The following ANK1 variants were observed in gnomAD, a reference collection of about 807,000 sequenced individuals.
ANK1 encodes the protein ankyrin 1, also known as ankyrin-1.
A neutral mutation model predicts 210.4 loss-of-function variants in ANK1; 51 were observed. The observed-to-expected ratio is 0.24, with a 90% CI of 0.19 to 0.31. ANK1 has a LOEUF of 0.31. Among genes scored for constraint, ANK1 ranks in the 10% least tolerant of loss-of-function variants. ANK1 has a pLI of 1.00. For synonymous variants in ANK1, 967 were observed against 1,025.9 expected, an observed-to-expected ratio of 0.94 and a Z score of 1.10; for missense variants, 2,051 against 2,504.4, an observed-to-expected ratio of 0.82 and a Z score of 3.86.
At chr8:41,737,361 T>G (rs1330217009) in intron 2 of ANK1, among the ~76,000 whole-genome samples, 2 of 152,210 alleles carry the variant, frequency 1.3e-5, no homozygotes, top group Non-Finnish European at 2.9e-5. Flanking sequence ...GATGAAAGCA[T>G]ATCTTCCCTT....
At position 41,692,820 on chromosome 8, in the gene ANK1, A is replaced by G. The variant is rs1819645214; in HGVS notation, c.3686T>C (p.Leu1229Pro). The G allele has an allele frequency of 6.2e-7, 1 of 1,614,038 alleles. No homozygotes were observed. Among genetic ancestry groups the G allele is most frequent in the African/African-American group, 1.3e-5 (1 of 74,932 alleles). ...GGGCACTGCAGTGAGCTCTTTGTAC[A>G]GCAGGGTGGCAAAGTTCACAGCCTC... The part of the protein sequence containing the change: ...TAEAVNFATL[L>P]YKELTAVPYM... Residue 1229 changes from leucine (L) to proline (P), a missense_variant, in exon 31 of 43, where the codon CTG (leucine) becomes CCG (proline). This residue lies in a region of ANK1 where 1,413 missense variants were observed against 1,707.4 expected (regional missense o/e 0.83). Coordinates refer to ENST00000289734, the MANE Select transcript of ANK1 (RefSeq NM_000037.4).
intron 2 of ANK1, among the ~76,000 whole-genome samples, chr8:41,753,755 G>A (rs755022962): frequency 3.6e-5 from 5 of 139,360 alleles, no homozygotes; most frequent in East Asian, 5.7e-4. Context: ...TGTCTCTGTC[G>A]CTGAGTGTTG....
chr8:41,754,288 C>T lies in ANK1; in HGVS notation c.129+3748G>A, dbSNP rs140725413. On this transcript the variant is annotated intron_variant, in intron 2 of 42. Coordinates refer to ENST00000289734, the MANE Select transcript of ANK1 (RefSeq NM_000037.4). Reference sequence around the variant, plus strand: ...AAATTGGCATTCACATAAGGGGGTTCCTGTATGCACACATGTGTGTGTTCT... The same window carrying T: ...AAATTGGCATTCACATAAGGGGGTTTCTGTATGCACACATGTGTGTGTTCT... Among the ~76,000 whole-genome samples the T allele has an allele frequency of 3.1e-3, 479 of 152,294 alleles. 3 individuals carry two copies. The highest frequency in any genetic ancestry group is 0.01 in the Middle Eastern group (3 of 294).
At chr8:41,820,413 C>T (rs377089898) in intron 1 of ANK1, among the ~76,000 whole-genome samples, 1 of 149,558 alleles carries the variant, frequency 6.7e-6, no homozygotes, top group Non-Finnish European at 1.5e-5. Context: ...TTAGGCTGGT[C>T]GCAAACACCT....
chr8:41,688,173 A>G lies in ANK1; in HGVS notation c.4241T>C (p.Leu1414Pro). 1 of 1,614,200 alleles carries G rather than the reference A, an allele frequency of 6.2e-7. No homozygotes were observed. The change falls in exon 35 of 43, where the codon CTC (leucine) becomes CCC (proline). Residue 1414 changes from leucine to proline, a missense_variant. Coordinates refer to ENST00000289734, the MANE Select transcript of ANK1 (RefSeq NM_000037.4). ...EMKMAVISEH[L>P]GLSWAELARE... The stretch of plus-strand genomic sequence containing the variant: ...CCACTCACCTGCCCAGCTGAGACCG[A>G]GGTGCTCTGAGATAACAGCCATCTT...
At chr8:41,889,775 G>T (rs1819077926) in intron 1 of ANK1, among the ~76,000 whole-genome samples, 1 of 152,224 alleles carries the variant, frequency 6.6e-6, no homozygotes, top group Non-Finnish European at 1.5e-5. Flanking sequence ...TCTCAGCAAA[G>T]TTAGGAAGCC....
Position 41,694,209 on chromosome 8 carries a change from C to T in ANK1, c.3328-107G>A, listed in dbSNP as rs565178459. ...GAGTGGCCGTCAGTGCACGGGGTCC[C>T]GCCCTGCTGTTGGACCACAGAACCG... On this transcript the variant is annotated intron_variant, in intron 28 of 42. Transcript: ENST00000289734. This position sits in a 1 kb window ranked among gnomAD's most constrained non-coding sequence, Gnocchi z 5.7. 472 of 1,226,540 alleles carry T rather than the reference C, an allele frequency of 3.8e-4. 1 individual carries two copies. Among genetic ancestry groups the T allele is most frequent in the Middle Eastern group, 2.5e-3 (11 of 4,428 alleles). 76.0% of individuals were successfully genotyped at this position (1,226,540 alleles called of 1,614,324 possible). A position where few individuals can be genotyped will look rare whatever the true frequency, so the allele number is the denominator to read the frequency against.
chr8:41,791,920 G>GA lies in ANK1; in HGVS notation c.27+5591_27+5592insT, dbSNP rs397801473. Among the ~76,000 whole-genome samples the GA allele has an allele frequency of 6.7e-3, 1,013 of 151,938 alleles. 10 individuals are homozygous for GA. Among genetic ancestry groups the GA allele is most frequent in the African/African-American group, 0.022 (908 of 41,408 alleles). On this transcript the variant is annotated intron_variant, in intron 1 of 42. Transcript: ENST00000289734. ...GTTCCTATAGGAGAGAAGGGCTGGG[G>GA]TCAGAAGGTTGTTTGCTTGCTTTGT...
rs966787347 is a variant in ANK1, at chr8:41,672,558, G to A, written c.4892C>T (p.Thr1631Ile). 1 of 1,614,214 alleles carries A rather than the reference G, an allele frequency of 6.2e-7. No homozygotes were observed. Among genetic ancestry groups the A allele is most frequent in the Non-Finnish European group, 8.5e-7 (1 of 1,180,052 alleles). The change falls in exon 38 of 43, where the codon ACA (threonine) becomes ATA (isoleucine). Residue 1631 changes from threonine (T) to isoleucine (I), a missense_variant. This residue lies in a region of ANK1 where 496 missense variants were observed against 533.4 expected (regional missense o/e 0.93). Coordinates refer to ENST00000289734, the MANE Select transcript of ANK1 (RefSeq NM_000037.4). ...TTCAAGCAAATCGATAAGGCCATTTGTGGCATCTGAATCCACTGTGTCGTC... is the reference window on the plus strand; with the variant it reads ...TTCAAGCAAATCGATAAGGCCATTTATGGCATCTGAATCCACTGTGTCGTC... Reference protein sequence around the residue: ...VEDDTVDSDATNGLIDLLEQE... With the variant: ...VEDDTVDSDAINGLIDLLEQE...
chr8:41,866,523 G>A (rs1388840264), intron 1 of ANK1, among the ~76,000 whole-genome samples: 3 of 152,162 alleles, frequency 2.0e-5, no homozygotes. Flanking sequence ...GTACGGTTCA[G>A]GGACATTAAG....
At chr8:41,786,457 C>A (rs1408372111) in intron 1 of ANK1, among the ~76,000 whole-genome samples, 1 of 152,228 alleles carries the variant, frequency 6.6e-6, no homozygotes, top group Non-Finnish European at 1.5e-5. Context: ...TCAACAACAC[C>A]TTCAGGCTGC....
chr8:41,724,944 C>T (rs556705017), intron 6 of ANK1, among the ~76,000 whole-genome samples: 96 of 152,288 alleles, frequency 6.3e-4, no homozygotes, highest in African/African-American at 2.2e-3. Flanking sequence ...ACTTCAGCCT[C>T]GACCTCCTGG....
rs1830622661 is a variant in ANK1, at chr8:41,726,044, G to C, written c.427-98C>G. 3.6e-6 allele frequency: 5 copies of C among 1,403,224 alleles called. No individual in the cohort carries two copies. The Admixed American group carries it at 7.8e-5, about 22-fold the overall frequency. 86.9% of individuals were successfully genotyped at this position (1,403,224 alleles called of 1,614,324 possible). The stretch of plus-strand genomic sequence containing the variant: ...GCCCCTCGGGCTTATGCTCCCAGCA[G>C]CCCCAGCCTGAGGGACCTACCTCCA... On this transcript the variant is annotated intron_variant, in intron 5 of 42. Transcript: ENST00000289734.
chr8:41,746,238 A>C (rs991027361), intron 2 of ANK1, among the ~76,000 whole-genome samples: 4 of 152,172 alleles, frequency 2.6e-5, no homozygotes, highest in African/African-American at 9.7e-5. Flanking sequence ...CTTGGTGGGA[A>C]AGGTCTGCTA....
At chr8:41,698,159 C>A (rs1444993153) in intron 23 of ANK1, 38 bp from the exon 24 acceptor site, 5 of 1,601,868 alleles carry the variant, frequency 3.1e-6, no homozygotes, top group Non-Finnish European at 4.3e-6. Flanking sequence ...CAGGGCTGAT[C>A]CACATGTGCA....
At chr8:41,857,568 G>A (rs767512784) in intron 1 of ANK1, among the ~76,000 whole-genome samples, 11 of 151,924 alleles carry the variant, frequency 7.2e-5, no homozygotes, top group East Asian at 5.9e-4. Context: ...GAGAAAGTCC[G>A]TCTCTACTAA....
At chr8:41,866,125 T>C (rs1309749877) in intron 1 of ANK1, among the ~76,000 whole-genome samples, 1 of 152,188 alleles carries the variant, frequency 6.6e-6, no homozygotes, top group East Asian at 1.9e-4. Flanking sequence ...AGAACTTGCT[T>C]CCTCTTTTCT....
Position 41,702,122 on chromosome 8 carries a change from A to G in ANK1, c.2318T>C (p.Ile773Thr). 9 of 1,613,968 alleles carry G rather than the reference A, an allele frequency of 5.6e-6. No homozygotes were observed. Among genetic ancestry groups the G allele is most frequent in the Non-Finnish European group, 7.6e-6 (9 of 1,179,898 alleles). The change falls in exon 21 of 43, where the codon ATA becomes ACA. Residue 773 changes from isoleucine (I) to threonine (T), a missense_variant. Transcript: ENST00000289734. ...VSSDGTTPLA[I>T]AKRLGYISVT... ...AGAAATGTAGCCCAAGCGCTTGGCTATGGCCAGAGGTGTGGTTCCATCCTG... is the reference window on the plus strand; with the variant it reads ...AGAAATGTAGCCCAAGCGCTTGGCTGTGGCCAGAGGTGTGGTTCCATCCTG...
chr8:41,725,979 TC>T, intron 5 of ANK1, 33 bp from the exon 6 acceptor site: 1 of 1,605,902 alleles, frequency 6.2e-7, no homozygotes, highest in South Asian at 1.1e-5. Flanking sequence ...TTGCTCTGAC[TC>T]GTCTGACGCC....
Sources: allele counts gnomAD v4.1 joint callset (sites outside exome capture counted in the v4.1 genomes callset), GRCh38; gene constraint gnomAD v4.1.1; regional missense constraint gnomAD v4.1.1; non-coding constraint Gnocchi (gnomAD v3.1); transcripts MANE v1.5; gene names NCBI Gene and HGNC (gene_info 2026-07-23, HGNC 2026-07-21).